Variants in TENM1 observed in about 807,000 individuals in gnomAD.
The protein encoded by TENM1 is teneurin-1.
Under a neutral mutation model 174.8 loss-of-function variants are expected in TENM1, and 35 were observed. The ratio of observed to expected loss-of-function variants is 0.20; its 90% CI spans 0.15 to 0.27. The LOEUF is 0.27. Ranked by LOEUF, TENM1 falls within the 10% of genes least tolerant of loss-of-function variation. The probability of loss-of-function intolerance (pLI) is 1.00; values close to 1 mark genes in which losing one functional copy is unlikely to be tolerated. For synonymous variants in TENM1, 781 were observed against 798.7 expected, an observed-to-expected ratio of 0.98 and a Z score of 0.37; for missense variants, 1,633 against 2,130.1, an observed-to-expected ratio of 0.77 and a Z score of 4.59.
chrX:125,060,179 TCTCACACACACA>T, the TENM1 span, among the ~76,000 whole-genome samples: 220 of 82,413 alleles, frequency 2.7e-3, 1 homozygote, highest in African/African-American at 0.015. Context: ...TCTCTCTCTC[TCTCACACACACA>T]CACACACACA....
intron 16 of TENM1, 109 bp from the exon 20 acceptor site, chrX:124,523,734 T>C: frequency 6.9e-6 from 5 of 724,535 alleles, no homozygotes; most frequent in African/African-American, 2.1e-5. Context: ...GACTCAACTA[T>C]ATCCACTTGT....
intron 3 of TENM1, among the ~76,000 whole-genome samples, chrX:124,743,653 G>A: frequency 9.0e-6 from 1 of 111,692 alleles, no homozygotes. Context: ...TTTTCGGATT[G>A]TCAAGTACAT....
chrX:124,394,363 T>C (rs1182283734), intron 27 of TENM1, among the ~76,000 whole-genome samples: 5 of 112,160 alleles, frequency 4.5e-5, no homozygotes, highest in Non-Finnish European at 1.9e-5. Context: ...ATTTTTAATA[T>C]ACTCTTAGGG....
At chrX:124,522,101 G>A (rs959479702) in intron 17 of TENM1, among the ~76,000 whole-genome samples, 3 of 111,754 alleles carry the variant, frequency 2.7e-5, no homozygotes, top group African/African-American at 9.7e-5. Context: ...GAAGGGATTG[G>A]CATACCAATC....
chrX:124,970,558 T>G, the TENM1 span, among the ~76,000 whole-genome samples: 1 of 112,525 alleles, frequency 8.9e-6, no homozygotes, highest in Non-Finnish European at 1.9e-5. Context: ...CTCTTAACTT[T>G]CTTTGTTTTT....
chrX:125,046,748 T>C, the TENM1 span, among the ~76,000 whole-genome samples: 3 of 111,203 alleles, frequency 2.7e-5, no homozygotes, highest in Non-Finnish European at 5.7e-5. Context: ...CCAAATGAAC[T>C]AACTTCCCAA....
chrX:124,957,219 A>ATGGT (rs1331391050), intron 1 of TENM1, among the ~76,000 whole-genome samples: 1 of 106,088 alleles, frequency 9.4e-6, no homozygotes, highest in Non-Finnish European at 1.9e-5. Context: ...GGATGGATGG[A>ATGGT]TGGTTGGATG....
chrX:124,512,026 A>C (rs2047596026), intron 18 of TENM1, among the ~76,000 whole-genome samples: 1 of 112,172 alleles, frequency 8.9e-6, no homozygotes, highest in Admixed American at 9.5e-5. Flanking sequence ...TTTATAGCAG[A>C]GCTACTAACA....
chrX:125,047,840 T>G, the TENM1 span, among the ~76,000 whole-genome samples: 1 of 111,448 alleles, frequency 9.0e-6, no homozygotes, highest in Non-Finnish European at 1.9e-5. Flanking sequence ...CCTTTTAATT[T>G]TTAGGTTAAT....
the TENM1 span, among the ~76,000 whole-genome samples, chrX:125,075,381 G>A: frequency 5.4e-5 from 6 of 111,273 alleles, no homozygotes; most frequent in African/African-American, 1.6e-4. Context: ...TTGTTTATCC[G>A]TCCATCAGTT....
intron 3 of TENM1, among the ~76,000 whole-genome samples, chrX:124,758,624 G>C (rs959819704): frequency 8.9e-6 from 1 of 111,784 alleles, no homozygotes; most frequent in East Asian, 2.8e-4. Context: ...CCAAGAGGTG[G>C]AAGAAATCTA....
rs149483355 is a variant in TENM1 at position 124,790,156 on chromosome X, C to G, written c.536-52959G>C. ...TGAGACCCATGCACTATCATGAGAA[C>G]AGCACAGGAAAGACCTGCCCCCATA... On this transcript the variant is annotated intron_variant, in intron 3 of 31. Coordinates refer to ENST00000422452, the Ensembl canonical transcript of TENM1. Among the ~76,000 whole-genome samples, 4 of 111,684 alleles carry G rather than the reference C, an allele frequency of 3.6e-5. No individual in the cohort carries two copies. In the East Asian group the frequency reaches 1.1e-3, roughly 32 times the overall value.
intron 3 of TENM1, among the ~76,000 whole-genome samples, chrX:124,808,662 A>G (rs746281638): frequency 2.5e-4 from 28 of 112,207 alleles, no homozygotes; most frequent in Non-Finnish European, 3.6e-4. Context: ...CTAGAAATGA[A>G]TATCAGAAGA....
chrX:124,423,209 A>G (rs926823620), intron 23 of TENM1, among the ~76,000 whole-genome samples: 2 of 112,542 alleles, frequency 1.8e-5, no homozygotes, highest in Non-Finnish European at 3.8e-5. Context: ...ACCTGCTATT[A>G]GCATAGACCT....
chrX:124,675,634 C>A (rs1422701615), intron 5 of TENM1, among the ~76,000 whole-genome samples: 1 of 100,442 alleles, frequency 1.0e-5, no homozygotes. Context: ...TTTACAGCAG[C>A]AAAAACATAA....
At chrX:125,073,288 A>G in the TENM1 span, among the ~76,000 whole-genome samples, 7 of 111,360 alleles carry the variant, frequency 6.3e-5, no homozygotes, top group Non-Finnish European at 1.3e-4. Flanking sequence ...CGCGGGATAC[A>G]TTGATGATGA....
At chrX:124,641,026 C>T (rs2051005062) in intron 11 of TENM1, among the ~76,000 whole-genome samples, 1 of 106,974 alleles carries the variant, frequency 9.3e-6, no homozygotes, top group Non-Finnish European at 1.9e-5. Flanking sequence ...TATGGAATGG[C>T]TAAAATTATA....
chrX:124,399,248 T>G (rs1231575306), intron 27 of TENM1, among the ~76,000 whole-genome samples: 1 of 112,000 alleles, frequency 8.9e-6, no homozygotes, highest in Non-Finnish European at 1.9e-5. Context: ...ATGATAATGA[T>G]AAACCCATCT....
the TENM1 span, among the ~76,000 whole-genome samples, chrX:125,122,834 A>AT: frequency 1.5e-5 from 1 of 66,310 alleles, no homozygotes; most frequent in Non-Finnish European, 3.7e-5. Context: ...AAGGGTTATT[A>AT]TTTTTAATTA....
Sources: allele counts gnomAD v4.1 joint callset (sites outside exome capture counted in the v4.1 genomes callset), GRCh38; gene constraint gnomAD v4.1.1; transcripts MANE v1.5; gene names NCBI Gene and HGNC (gene_info 2026-07-23, HGNC 2026-07-21).